ASXL3: variants seen among roughly 807,000 people sequenced by gnomAD.
The protein encoded by ASXL3 is ASXL transcriptional regulator 3.
A neutral mutation model predicts 170.6 loss-of-function variants in ASXL3; 34 were observed. The observed-to-expected ratio is 0.20, with a 90% confidence interval of 0.15 to 0.27. The LOEUF (loss-of-function observed/expected upper bound fraction) is 0.27, where lower values mean the gene tolerates loss of function less well. ASXL3 is among the 10% of genes least tolerant of loss of function. The pLI, the probability that ASXL3 is intolerant of heterozygous loss-of-function variation, is 1.00. For missense variants in ASXL3, 2,592 were observed against 2,695.3 expected (o/e 0.96, Z 0.85); for synonymous variants, 1,002 against 989.1 (o/e 1.01, Z -0.24).
chr18:33,669,423 A>G (rs2066306833), intron 5 of ASXL3, among the ~76,000 whole-genome samples: 1 of 152,202 alleles, frequency 6.6e-6, no homozygotes, highest in South Asian at 2.1e-4. Context: ...TAGCAACCAT[A>G]TCATTTGTAA....
intron 8 of ASXL3, among the ~76,000 whole-genome samples, chr18:33,709,245 T>A (rs1016196302): frequency 4.6e-5 from 7 of 151,492 alleles, no homozygotes; most frequent in African/African-American, 1.7e-4. Flanking sequence ...AAAGTTGACC[T>A]AGCATTTAAA....
intron 7 of ASXL3, among the ~76,000 whole-genome samples, chr18:33,682,870 A>G (rs1389066): frequency 0.57 from 86,114 of 151,964 alleles, 25,045 homozygotes; most frequent in East Asian, 0.9. Flanking sequence ...TTTTAAAACA[A>G]TGCTTTTTAA....
At chr18:33,592,424 C>T (rs2145099649) in intron 1 of ASXL3, among the ~76,000 whole-genome samples, 1 of 152,266 alleles carries the variant, frequency 6.6e-6, no homozygotes, top group Non-Finnish European at 1.5e-5. Flanking sequence ...CATCATACTT[C>T]TTTGCTGCCT....
intron 8 of ASXL3, among the ~76,000 whole-genome samples, chr18:33,702,525 T>TA (rs928741629): frequency 1.3e-5 from 2 of 152,196 alleles, no homozygotes; most frequent in Non-Finnish European, 2.9e-5. Context: ...ATCCCTCTGT[T>TA]AAACTATTAT....
intron 8 of ASXL3, among the ~76,000 whole-genome samples, chr18:33,725,275 C>A (rs141830152): frequency 6.6e-6 from 1 of 152,230 alleles, no homozygotes; most frequent in Non-Finnish European, 1.5e-5. Flanking sequence ...TTGGACACAA[C>A]AGCTAATGTA....
At chr18:33,724,397 A>G (rs1216589366) in intron 8 of ASXL3, among the ~76,000 whole-genome samples, 4 of 152,032 alleles carry the variant, frequency 2.6e-5, no homozygotes. Flanking sequence ...ATATTCTCAA[A>G]ATTGTCCCAT....
intron 2 of ASXL3, among the ~76,000 whole-genome samples, chr18:33,638,652 G>A (rs920334485): frequency 6.6e-6 from 1 of 152,176 alleles, no homozygotes; most frequent in Non-Finnish European, 1.5e-5. Flanking sequence ...ACGGGCTTTG[G>A]AATCAGATTA....
At chr18:33,700,266 G>A (rs1411713357) in intron 8 of ASXL3, among the ~76,000 whole-genome samples, 1 of 152,016 alleles carries the variant, frequency 6.6e-6, no homozygotes, top group African/African-American at 2.4e-5. Context: ...TTACTGTAAC[G>A]ATCCCTGAAG....
At chr18:33,602,325 C>T (rs944293996) in intron 1 of ASXL3, among the ~76,000 whole-genome samples, 4 of 152,168 alleles carry the variant, frequency 2.6e-5, no homozygotes, top group Admixed American at 2.6e-4. Flanking sequence ...CCATAAAGTA[C>T]ATTTAAATAG....
chr18:33,677,752 G>A (rs1318110248), intron 7 of ASXL3, among the ~76,000 whole-genome samples: 1 of 152,244 alleles, frequency 6.6e-6, no homozygotes, highest in African/African-American at 2.4e-5. Flanking sequence ...GCTCCATGTA[G>A]ACTTTTTACA....
In ASXL3 at chr18:33,750,341, A is replaced by G. The variant is rs1301773150; in HGVS notation, c.*3746A>G. On this transcript the variant is annotated 3_prime_UTR_variant, in exon 12 of 12. Coordinates refer to ENST00000269197, the MANE Select transcript of ASXL3 (RefSeq NM_030632.3). Reference sequence around the variant, plus strand: ...TTTAAAGGAGCTGCTTTTTTATAGCACATACTATTTCGCTTTGTACTATAT... The same window carrying G: ...TTTAAAGGAGCTGCTTTTTTATAGCGCATACTATTTCGCTTTGTACTATAT... The G allele has an allele frequency of 6.6e-6, 1 of 152,222 alleles. No individual in the cohort carries two copies. The highest frequency in any genetic ancestry group is 1.5e-5 in the Non-Finnish European group (1 of 68,036). 9.4% of individuals were successfully genotyped at this position (152,222 alleles called of 1,614,324 possible). A position where few individuals can be genotyped will look rare whatever the true frequency, so the allele number is the denominator to read the frequency against.
Position 33,671,856 on chromosome 18 carries a change from G to A in ASXL3, c.705G>A (p.Lys235=). The A allele has an allele frequency of 6.2e-7, 1 of 1,606,092 alleles. No individual in the cohort carries two copies. Among genetic ancestry groups the A allele is most frequent in the Non-Finnish European group, 8.5e-7 (1 of 1,176,318 alleles). The change falls in exon 7 of 12, where the codon AAG becomes AAA. Residue 235 remains lysine (K), a synonymous_variant. Transcript: ENST00000269197. The part of the protein sequence containing the change: ...QTSQHLKRLK[K]SGLGHLKWTK... ...GTCAGCACTTAAAACGATTAAAAAA[G>A]TCTGGTTTAGGTGAGTGTTTAATAG...
In ASXL3 at chr18:33,739,845, GTTC is replaced by G. The variant is rs766284528; in HGVS notation, c.2448_2450del (p.Ser817del). 8.7e-6 allele frequency: 14 copies of G among 1,613,750 alleles called. No individual in the cohort carries two copies. The highest frequency in any genetic ancestry group is 6.7e-5 in the Admixed American group (4 of 59,970). ...AATACTCCCGAACCCATCATAATGA[GTTC>G]TTCTTCCATTGCTCCTGAAGCATTT... On this transcript the variant is annotated inframe_deletion, in exon 11 of 12. Coordinates refer to ENST00000269197, the MANE Select transcript of ASXL3 (RefSeq NM_030632.3).
intron 2 of ASXL3, among the ~76,000 whole-genome samples, chr18:33,620,275 G>T (rs1016774840): frequency 6.6e-6 from 1 of 152,134 alleles, no homozygotes; most frequent in South Asian, 2.1e-4. Context: ...AGCTTAATTT[G>T]TGTTCATTGA....
chr18:33,745,135 G>A lies in ASXL3; in HGVS notation c.5287G>A (p.Val1763Met). 1.9e-6 allele frequency: 3 copies of A among 1,614,014 alleles called. No individual in the cohort carries two copies. Among genetic ancestry groups the A allele is most frequent in the South Asian group, 1.1e-5 (1 of 91,084 alleles). Reference protein sequence around the residue: ...LLQGNLPLEKVLPQPRLGAKL... With the variant: ...LLQGNLPLEKMLPQPRLGAKL... Reference sequence around the variant, plus strand: ...ACAGGGCAACCTGCCTTTGGAAAAAGTGTTGCCACAGCCCAGATTGGGAGC... The same window carrying A: ...ACAGGGCAACCTGCCTTTGGAAAAAATGTTGCCACAGCCCAGATTGGGAGC... Residue 1763 changes from valine (V) to methionine (M), a missense_variant, in exon 12 of 12, where the codon GTG becomes ATG. By Grantham distance (21) the Val-to-Met change is conservative (BLOSUM62 1). This residue lies in a region of ASXL3 where 2,246 missense variants were observed against 2,219.6 expected (regional missense o/e 1.01). Transcript: ENST00000269197.
chr18:33,746,243 A>C lies in ASXL3; in HGVS notation c.6395A>C (p.Lys2132Thr), dbSNP rs371396698. 4.6e-5 allele frequency: 74 copies of C among 1,613,878 alleles called. No homozygotes were observed. Among genetic ancestry groups the C allele is most frequent in the Non-Finnish European group, 5.6e-5 (66 of 1,179,912 alleles). ...FSSYLLSEPQKPFTQLAAQKM... is the reference protein window; with the variant it reads ...FSSYLLSEPQTPFTQLAAQKM... Reference sequence around the variant, plus strand: ...TCCTATTTGCTTTCTGAGCCACAAAAGCCTTTTACCCAATTAGCTGCTCAG... The same window carrying C: ...TCCTATTTGCTTTCTGAGCCACAAACGCCTTTTACCCAATTAGCTGCTCAG... Residue 2132 changes from lysine to threonine, a missense_variant, in exon 12 of 12, where the codon AAG becomes ACG. By Grantham distance (78) the Lys-to-Thr change is moderately conservative. Around this residue, in one of 4 missense-constraint regions of ASXL3, gnomAD observed 2,246 missense variants for 2,219.6 expected, o/e 1.01. Transcript: ENST00000269197.
At chr18:33,687,497 C>T (rs1196651063) in intron 8 of ASXL3, among the ~76,000 whole-genome samples, 1 of 152,168 alleles carries the variant, frequency 6.6e-6, no homozygotes, top group East Asian at 1.9e-4. Flanking sequence ...TTGTTTTCCT[C>T]CTTTGACTAC....
chr18:33,732,064 G>A lies in ASXL3; in HGVS notation c.976G>A (p.Gly326Arg). The A allele has an allele frequency of 6.2e-7, 1 of 1,610,130 alleles. No individual in the cohort carries two copies. Among genetic ancestry groups the A allele is most frequent in the Non-Finnish European group, 8.5e-7 (1 of 1,177,462 alleles). The stretch of plus-strand genomic sequence containing the variant: ...AGGGTGGAAACAGCGACTGGCAGAA[G>A]GTAAATTTGTATTTTCTATTATTAT... The part of the protein sequence containing the change: ...AQGWKQRLAE[G>R]EFTPEMQLRI... Residue 326 changes from glycine to arginine, a missense_variant and splice_region_variant, in exon 9 of 12, where the codon GGA (glycine) becomes AGA (arginine). Gly to Arg is a moderately radical substitution (Grantham distance 125). Around this residue, in one of 4 missense-constraint regions of ASXL3, gnomAD observed 73 missense variants for 142.7 expected, o/e 0.51. Transcript: ENST00000269197.
chr18:33,607,438 G>A (rs1001595158), intron 1 of ASXL3, among the ~76,000 whole-genome samples, 156 bp from the exon 2 acceptor site: 1 of 151,798 alleles, frequency 6.6e-6, no homozygotes, highest in Non-Finnish European at 1.5e-5. Context: ...AAAAAATTAC[G>A]TTCTTCCTTT....
Sources: allele counts gnomAD v4.1 joint callset (sites outside exome capture counted in the v4.1 genomes callset), GRCh38; gene constraint gnomAD v4.1.1; regional missense constraint gnomAD v4.1.1; transcripts MANE v1.5; gene names NCBI Gene and HGNC (gene_info 2026-07-23, HGNC 2026-07-21).